The following PILRA variants were observed in gnomAD, a reference collection of about 807,000 sequenced individuals.
The protein encoded by PILRA is paired immunoglobulin-like type 2 receptor alpha.
A neutral mutation model predicts 33.1 loss-of-function variants in PILRA; 37 were observed. The ratio of observed to expected loss-of-function variants is 1.12; its 90% CI spans 0.86 to 1.47. The LOEUF is 1.47. PILRA is among the 40% of genes most tolerant of loss of function. The pLI is 0.00. For missense variants in PILRA, 312 were observed against 376.2 expected, an observed-to-expected ratio of 0.83 and a Z score of 1.41; for synonymous variants, 146 against 149.9, an observed-to-expected ratio of 0.97 and a Z score of 0.19.
At chr7:100,377,052 T>G (rs1195738164) in intron 2 of PILRA, among the ~76,000 whole-genome samples, 1 of 151,512 alleles carries the variant, frequency 6.6e-6, no homozygotes, top group Non-Finnish European at 1.5e-5. Flanking sequence ...CATGAGCCAC[T>G]GTGTCTGGCA....
At chr7:100,385,397 A>G (rs1405181199) in intron 2 of PILRA, among the ~76,000 whole-genome samples, 1 of 152,186 alleles carries the variant, frequency 6.6e-6, no homozygotes, top group Non-Finnish European at 1.5e-5. Flanking sequence ...TACTGGTAAT[A>G]CTTACACATA....
intron 5 of PILRA, 67 bp downstream of exon 5, chr7:100,399,407 C>CAGGTAGGGGG: frequency 1.4e-6 from 2 of 1,441,598 alleles, no homozygotes; most frequent in Non-Finnish European, 2.0e-6. Context: ...CAAATACCCC[C>CAGGTAGGGGG]TACCTGGGTC....
At chr7:100,387,034 T>C (rs577000018) in intron 2 of PILRA, among the ~76,000 whole-genome samples, 1 of 152,340 alleles carries the variant, frequency 6.6e-6, no homozygotes, top group Non-Finnish European at 1.5e-5. Flanking sequence ...AAGGTAGTTC[T>C]TGCATAGCAT....
At chr7:100,386,299 C>CGCAT (rs2130201572) in intron 2 of PILRA, among the ~76,000 whole-genome samples, 1 of 152,218 alleles carries the variant, frequency 6.6e-6, no homozygotes, top group Admixed American at 6.5e-5. Flanking sequence ...TTTAAATGGC[C>CGCAT]GCATGCATCC....
At chr7:100,397,435 C>T (rs1017139766) in intron 3 of PILRA, among the ~76,000 whole-genome samples, 1 of 151,874 alleles carries the variant, frequency 6.6e-6, no homozygotes, top group African/African-American at 2.4e-5. Flanking sequence ...GAGTCCCAAG[C>T]ACGACGCTCC....
chr7:100,398,624 A>C (rs748562025), intron 4 of PILRA, among the ~76,000 whole-genome samples: 1 of 152,176 alleles, frequency 6.6e-6, no homozygotes, highest in Non-Finnish European at 1.5e-5. Flanking sequence ...CCTGATCAGA[A>C]GACCTGAAAT....
At chr7:100,377,883 T>C (rs1284206811) in intron 2 of PILRA, among the ~76,000 whole-genome samples, 1 of 152,234 alleles carries the variant, frequency 6.6e-6, no homozygotes, top group Non-Finnish European at 1.5e-5. Flanking sequence ...TATTGATACA[T>C]TAGGCCTGGT....
chr7:100,380,593 C>G (rs1791067669), intron 2 of PILRA, among the ~76,000 whole-genome samples: 1 of 152,114 alleles, frequency 6.6e-6, no homozygotes, highest in African/African-American at 2.4e-5. Context: ...GCCAGGAGTT[C>G]AAGACCAGCC....
Position 100,397,892 on chromosome 7 carries a change from TA to T in PILRA, c.690del (p.Ala231ProfsTer30). 1 of 1,613,986 alleles carries T rather than the reference TA, an allele frequency of 6.2e-7. No homozygotes were observed. The highest frequency in any genetic ancestry group is 8.5e-7 in the Non-Finnish European group (1 of 1,179,922). ...WRRRKGQQRT[K>X]ATTPAREPFQ... ...GTCCCCCTACAGGTCAGCAGCGGAC[TA>T]AAGCCACAACCCCAGCCAGGTGAGT... On this transcript the variant is annotated frameshift_variant, in exon 4 of 7. Transcript: ENST00000198536. LOFTEE classifies it high-confidence loss of function.
At chr7:100,374,674 C>T (rs1031614880) in intron 2 of PILRA, 2 of 575,422 alleles carry the variant, frequency 3.5e-6, no homozygotes. Context: ...CCAGCCCCGC[C>T]CCCACTCCTC....
chr7:100,371,521 G>A (rs1398862777), upstream of PILRA, among the ~76,000 whole-genome samples: 1 of 152,172 alleles, frequency 6.6e-6, no homozygotes, highest in Non-Finnish European at 1.5e-5. Flanking sequence ...AGTGAGGACA[G>A]TAGGATACTT....
Position 100,397,734 on chromosome 7 carries a change from G to A in PILRA, c.674-145G>A. 6.4e-6 allele frequency: 5 copies of A among 781,386 alleles called. No individual in the cohort carries two copies. In the South Asian group the frequency reaches 8.3e-5, roughly 13 times the overall value. The allele number at this position is 781,386 out of a possible 1,614,324, so 48.4% of individuals were successfully genotyped here. A position where few individuals can be genotyped will look rare whatever the true frequency, so the allele number is the denominator to read the frequency against. On this transcript the variant is annotated intron_variant, in intron 3 of 6. Coordinates refer to ENST00000198536, the MANE Select transcript of PILRA (RefSeq NM_013439.3). ...ACCTCAGGGTGCCGGCTGAGTCCCAGGCCCTTCCTGATGGGTTTGGGTGGA... is the reference window on the plus strand; with the variant it reads ...ACCTCAGGGTGCCGGCTGAGTCCCAAGCCCTTCCTGATGGGTTTGGGTGGA...
At chr7:100,373,780 G>C (rs557121528) in intron 1 of PILRA, 60 bp downstream of exon 1, 3 of 1,598,516 alleles carry the variant, frequency 1.9e-6, no homozygotes, top group Non-Finnish European at 2.6e-6. Context: ...GGGCCAACCC[G>C]AGACAAAGGT....
chr7:100,381,966 G>C (rs988713486), intron 2 of PILRA, among the ~76,000 whole-genome samples: 2 of 152,078 alleles, frequency 1.3e-5, no homozygotes, highest in Non-Finnish European at 2.9e-5. Context: ...GCAGGGCAGG[G>C]CTCGGGACCT....
Position 100,390,121 on chromosome 7 carries a change from C to T in PILRA, c.673+15C>T. The T allele has an allele frequency of 6.2e-7, 1 of 1,605,448 alleles. No individual in the cohort carries two copies. The highest frequency in any genetic ancestry group is 8.5e-7 in the Non-Finnish European group (1 of 1,172,534). ...GAGAAGGAAAGGTAAGTGCCCAGGA[C>T]CCGCCCTCTCCCCAAGCCTCCCATC... On this transcript the variant is annotated intron_variant, in intron 3 of 6. Coordinates refer to ENST00000198536, the MANE Select transcript of PILRA (RefSeq NM_013439.3).
intron 3 of PILRA, among the ~76,000 whole-genome samples, chr7:100,397,317 G>A (rs1174255361): frequency 1.3e-4 from 20 of 152,026 alleles, no homozygotes; most frequent in African/African-American, 4.6e-4. Context: ...CCACGGGGAT[G>A]GGAGGGGCAG....
At chr7:100,379,529 G>T (rs925588575) in intron 2 of PILRA, among the ~76,000 whole-genome samples, 6 of 151,806 alleles carry the variant, frequency 4.0e-5, no homozygotes, top group Admixed American at 3.9e-4. Flanking sequence ...TTAGTTGGGC[G>T]TGGTAGCACG....
intron 3 of PILRA, among the ~76,000 whole-genome samples, chr7:100,396,040 C>T (rs1281726907): frequency 6.6e-6 from 1 of 152,136 alleles, no homozygotes; most frequent in Non-Finnish European, 1.5e-5. Flanking sequence ...AGGAGAATCA[C>T]TTGAACCCGG....
intron 2 of PILRA, among the ~76,000 whole-genome samples, chr7:100,389,159 G>A (rs1220476760): frequency 1.3e-5 from 2 of 152,178 alleles, no homozygotes; most frequent in African/African-American, 4.8e-5. Context: ...TGAAATGGGT[G>A]AAATCCCAAA....
Sources: allele counts gnomAD v4.1 joint callset (sites outside exome capture counted in the v4.1 genomes callset), GRCh38; gene constraint gnomAD v4.1.1; transcripts MANE v1.5; gene names NCBI Gene and HGNC (gene_info 2026-07-23, HGNC 2026-07-21).